The following PDZRN4 variants were observed in gnomAD, a reference collection of about 807,000 sequenced individuals.
The protein encoded by PDZRN4 is PDZ domain-containing RING finger protein 4.
In PDZRN4, 70 loss-of-function variants were observed where a neutral mutation model predicts 99.0. The observed-to-expected ratio is 0.71, with a 90% confidence interval of 0.58 to 0.86. PDZRN4 has a LOEUF of 0.86. Among genes scored for constraint, PDZRN4 ranks in the 40% least tolerant of loss-of-function variants. The probability of loss-of-function intolerance (pLI) is 0.00; values close to 1 mark genes in which losing one functional copy is unlikely to be tolerated. For synonymous variants in PDZRN4, 551 were observed against 501.6 expected (o/e 1.10, Z -1.32); for missense variants, 1,474 against 1,331.2 (o/e 1.11, Z -1.67).
intron 3 of PDZRN4, among the ~76,000 whole-genome samples, chr12:41,391,439 C>T (rs1952210936): frequency 6.6e-6 from 1 of 152,176 alleles, no homozygotes; most frequent in Non-Finnish European, 1.5e-5. Flanking sequence ...TCTCCAAGCT[C>T]ACCGTATAAC....
intron 3 of PDZRN4, among the ~76,000 whole-genome samples, chr12:41,342,048 CACTT>C (rs762082339): frequency 5.3e-5 from 8 of 151,940 alleles, no homozygotes; most frequent in East Asian, 3.9e-4. Context: ...AAAATTTACA[CACTT>C]ACAGCCAACT....
chr12:41,218,787 G>A (rs957318172), intron 3 of PDZRN4, among the ~76,000 whole-genome samples: 4 of 151,960 alleles, frequency 2.6e-5, no homozygotes, highest in Admixed American at 2.6e-4. Flanking sequence ...GTTAATTTCT[G>A]TTCCTTTATG....
chr12:41,457,973 A>G (rs1327090462), intron 3 of PDZRN4, among the ~76,000 whole-genome samples: 2 of 152,148 alleles, frequency 1.3e-5, no homozygotes, highest in African/African-American at 4.8e-5. Context: ...ACAATTGATG[A>G]GAAGAGCAGG....
intron 3 of PDZRN4, among the ~76,000 whole-genome samples, chr12:41,288,523 C>T (rs940830132): frequency 6.6e-6 from 1 of 152,056 alleles, no homozygotes; most frequent in Non-Finnish European, 1.5e-5. Flanking sequence ...TTCTTTGTAT[C>T]TCTATTTGCA....
At chr12:41,314,111 G>A (rs745888769) in intron 3 of PDZRN4, among the ~76,000 whole-genome samples, 3 of 152,164 alleles carry the variant, frequency 2.0e-5, no homozygotes, top group Admixed American at 2.0e-4. Context: ...CTCCAGAAAT[G>A]AATTCAGGTT....
At chr12:41,205,118 T>C (rs866529194) in intron 3 of PDZRN4, among the ~76,000 whole-genome samples, 1 of 151,958 alleles carries the variant, frequency 6.6e-6, no homozygotes, top group Non-Finnish European at 1.5e-5. Flanking sequence ...CCATTTTTTA[T>C]TATGTATTTA....
intron 3 of PDZRN4, among the ~76,000 whole-genome samples, chr12:41,361,137 G>T (rs1480168505): frequency 1.3e-5 from 2 of 152,018 alleles, no homozygotes; most frequent in African/African-American, 4.8e-5. Flanking sequence ...TTACATGAGA[G>T]ATTAGTGTGC....
At chr12:41,429,247 A>G (rs1592056248) in intron 3 of PDZRN4, among the ~76,000 whole-genome samples, 1 of 152,148 alleles carries the variant, frequency 6.6e-6, no homozygotes, top group East Asian at 1.9e-4. Flanking sequence ...TAAAACAGAG[A>G]TGTAAAATGA....
chr12:41,299,386 G>C (rs538897344), intron 3 of PDZRN4, among the ~76,000 whole-genome samples: 1 of 152,144 alleles, frequency 6.6e-6, no homozygotes, highest in East Asian at 1.9e-4. Flanking sequence ...AAATCATCAA[G>C]ATTTCTTGAA....
chr12:41,311,712 T>C (rs1439084721), intron 3 of PDZRN4, among the ~76,000 whole-genome samples: 1 of 152,214 alleles, frequency 6.6e-6, no homozygotes, highest in Non-Finnish European at 1.5e-5. Flanking sequence ...TTGACTGTTT[T>C]ACTTGCTGTA....
At chr12:41,425,922 T>G (rs1193881642) in intron 3 of PDZRN4, among the ~76,000 whole-genome samples, 1 of 152,180 alleles carries the variant, frequency 6.6e-6, no homozygotes, top group African/African-American at 2.4e-5. Context: ...TGATTTCCAG[T>G]ATCTCTAGAC....
chr12:41,310,194 A>C (rs1023533405), intron 3 of PDZRN4, among the ~76,000 whole-genome samples: 2 of 152,002 alleles, frequency 1.3e-5, no homozygotes, highest in African/African-American at 4.8e-5. Context: ...TGGCCTCCCA[A>C]AGTGCTGGGA....
At chr12:41,499,381 G>A (rs552095519) in intron 3 of PDZRN4, among the ~76,000 whole-genome samples, 1 of 152,094 alleles carries the variant, frequency 6.6e-6, no homozygotes, top group Non-Finnish European at 1.5e-5. Context: ...TATTTATAAA[G>A]AGGTTAATAA....
intron 5 of PDZRN4, among the ~76,000 whole-genome samples, chr12:41,538,475 G>A (rs539540228): frequency 3.9e-5 from 6 of 152,136 alleles, no homozygotes; most frequent in African/African-American, 9.6e-5. Context: ...TGATATACTC[G>A]GGTTAATTTC....
At chr12:41,310,548 A>G (rs2120949444) in intron 3 of PDZRN4, among the ~76,000 whole-genome samples, 1 of 152,252 alleles carries the variant, frequency 6.6e-6, no homozygotes, top group Non-Finnish European at 1.5e-5. Context: ...TTAGGACCTA[A>G]GTACATTATA....
Position 41,573,418 on chromosome 12 carries a change from A to G in PDZRN4, c.2639A>G (p.Gln880Arg), listed in dbSNP as rs1467054558. Residue 880 changes from glutamine (Q) to arginine (R), a missense_variant, in exon 10 of 10, where the codon CAG becomes CGG. By Grantham distance (43) the Gln-to-Arg change is conservative. Transcript: ENST00000402685. ...TTGGTGAGCATGTGCAAGGAGTCTC[A>G]GAAGTGTTCAGAGCCCAAGATGGAA... ...LSLVSMCKESQKCSEPKMEWK... is the reference protein window; with the variant it reads ...LSLVSMCKESRKCSEPKMEWK... The G allele has an allele frequency of 6.2e-7, 1 of 1,613,732 alleles. No individual in the cohort carries two copies. The highest frequency in any genetic ancestry group is 8.5e-7 in the Non-Finnish European group (1 of 1,180,006).
chr12:41,377,114 T>G (rs1250528354), intron 3 of PDZRN4, among the ~76,000 whole-genome samples: 1 of 152,234 alleles, frequency 6.6e-6, no homozygotes, highest in African/African-American at 2.4e-5. Context: ...AGTATCATAC[T>G]GTTTTGATTA....
rs144658470 is a variant in PDZRN4 at position 41,546,805 on chromosome 12, A to C, written c.1204-5851A>C. Among the ~76,000 whole-genome samples, 12 of 152,334 alleles carry C rather than the reference A, an allele frequency of 7.9e-5. No homozygotes were observed. In the East Asian group the frequency reaches 1.7e-3, roughly 22 times the overall value. ...AGTGCTGGAGTGGGAATGCAAGAGC[A>C]TTTGAGCTGACCAGGAAGTGAAGTG... On this transcript the variant is annotated intron_variant, in intron 5 of 9. Transcript: ENST00000402685.
chr12:41,251,812 A>G (rs1469162509), intron 3 of PDZRN4, among the ~76,000 whole-genome samples: 1 of 152,150 alleles, frequency 6.6e-6, no homozygotes, highest in Non-Finnish European at 1.5e-5. Context: ...ACCAATTTAT[A>G]AAAACGTTAT....
Sources: gnomAD v4.1 joint callset for allele counts (sites outside exome capture counted in the v4.1 genomes callset) on GRCh38, gnomAD v4.1.1 for gene constraint, MANE v1.5 for transcripts, NCBI Gene and HGNC (gene_info 2026-07-23, HGNC 2026-07-21) for gene names.